The following CDK7 variants were observed in gnomAD, a reference collection of about 807,000 sequenced individuals.
CDK7 encodes cyclin dependent kinase 7.
A neutral mutation model predicts 49.1 loss-of-function variants in CDK7; 25 were observed. The ratio of observed to expected loss-of-function variants is 0.51; its 90% CI spans 0.37 to 0.71. The LOEUF is 0.71. Ranked by LOEUF, CDK7 falls within the 30% of genes least tolerant of loss-of-function variation. CDK7 has a pLI of 0.00. For synonymous variants in CDK7, 107 were observed against 140.0 expected, an observed-to-expected ratio of 0.76 and a Z score of 1.67; for missense variants, 316 against 411.7, an observed-to-expected ratio of 0.77 and a Z score of 2.01.
At chr5:69,252,494 CTTTTTTTTTTTT>C (rs138764556) in intron 3 of CDK7, 43 bp downstream of exon 3, 56 of 364,300 alleles carry the variant, frequency 1.5e-4, no homozygotes, top group Admixed American at 6.1e-4. Context: ...AAGTTTTCTC[CTTTTTTTTTTTT>C]TTTTTTTTTT....
At chr5:69,277,051 G>T (rs1752225716) in intron 11 of CDK7, 56 bp from the exon 12 acceptor site, 1 of 1,461,298 alleles carries the variant, frequency 6.8e-7, no homozygotes, top group Non-Finnish European at 9.4e-7. Context: ...CTATGAGAAT[G>T]TGAACTTTGT....
Position 69,248,939 on chromosome 5 carries a change from G to A in CDK7, c.127-3479G>A, listed in dbSNP as rs193257142. Among the ~76,000 whole-genome samples the A allele has an allele frequency of 1.3e-3, 196 of 151,340 alleles. 1 individual carries two copies. Among genetic ancestry groups the A allele is most frequent in the Admixed American group, 7.1e-3 (108 of 15,186 alleles). ...CTGCCTTAGCCTCCTGAGTAGCTGG[G>A]ATTACCAGCGTGAGCCACCGTCCCC... On this transcript the variant is annotated intron_variant, in intron 2 of 11. Coordinates refer to ENST00000256443, the MANE Select transcript of CDK7 (RefSeq NM_001799.4).
chr5:69,269,035 C>A (rs1042050764), intron 8 of CDK7, among the ~76,000 whole-genome samples, 172 bp from the exon 9 acceptor site: 2 of 151,726 alleles, frequency 1.3e-5, no homozygotes, highest in Non-Finnish European at 2.9e-5. Flanking sequence ...CCCAGCTACT[C>A]GGGAGGCTGA....
chr5:69,252,037 C>T (rs1200217753), intron 2 of CDK7, among the ~76,000 whole-genome samples: 1 of 141,206 alleles, frequency 7.1e-6, no homozygotes, highest in Non-Finnish European at 1.6e-5. Context: ...TTATTACCAA[C>T]TCTACAGCAT....
intron 2 of CDK7, among the ~76,000 whole-genome samples, chr5:69,238,938 A>G (rs1749190015): frequency 6.6e-6 from 1 of 152,180 alleles, no homozygotes; most frequent in Non-Finnish European, 1.5e-5. Flanking sequence ...CAGTTGATTC[A>G]TGCTCGTTGA....
At chr5:69,263,387 A>T (rs1750956925) in intron 8 of CDK7, among the ~76,000 whole-genome samples, 1 of 152,204 alleles carries the variant, frequency 6.6e-6, no homozygotes, top group Non-Finnish European at 1.5e-5. Context: ...CACCAAAGAG[A>T]AAAACACTAA....
chr5:69,277,211 A>G lies in CDK7; in HGVS notation c.*76A>G. 9.5e-7 allele frequency: 1 copy of G among 1,057,742 alleles called. No individual in the cohort carries two copies. The highest frequency in any genetic ancestry group is 2.5e-5 in the East Asian group (1 of 40,442). The allele number at this position is 1,057,742 out of a possible 1,614,324, so 65.5% of individuals were successfully genotyped here. On this transcript the variant is annotated 3_prime_UTR_variant, in exon 12 of 12. Coordinates refer to ENST00000256443, the MANE Select transcript of CDK7 (RefSeq NM_001799.4). ...AATAATGGAAAAATAGTAAACATTA[A>G]GTAAATGCTGTAGAAGTGAGTTTGT...
intron 8 of CDK7, among the ~76,000 whole-genome samples, chr5:69,268,714 G>T (rs545291473): frequency 1.3e-5 from 2 of 151,376 alleles, no homozygotes; most frequent in African/African-American, 4.9e-5. Flanking sequence ...TTAGCCAGGC[G>T]TGGTGGCGGG....
intron 2 of CDK7, among the ~76,000 whole-genome samples, chr5:69,247,881 T>G (rs1265597158): frequency 2.0e-5 from 3 of 152,206 alleles, no homozygotes; most frequent in Admixed American, 2.0e-4. Flanking sequence ...GCGTTTTAAC[T>G]TTGTCTCCCC....
intron 10 of CDK7, among the ~76,000 whole-genome samples, chr5:69,273,600 G>C (rs969754786): frequency 6.6e-6 from 1 of 152,096 alleles, no homozygotes; most frequent in African/African-American, 2.4e-5. Flanking sequence ...ACTAACTGCT[G>C]TTTAAAGGAA....
chr5:69,239,214 G>A (rs1024420431), intron 2 of CDK7, among the ~76,000 whole-genome samples: 1 of 152,034 alleles, frequency 6.6e-6, no homozygotes, highest in Non-Finnish European at 1.5e-5. Context: ...CCAGTTTACT[G>A]TCCCACCACA....
At chr5:69,261,273 C>T (rs1750791611) in intron 7 of CDK7, among the ~76,000 whole-genome samples, 1 of 152,158 alleles carries the variant, frequency 6.6e-6, no homozygotes, top group African/African-American at 2.4e-5. Flanking sequence ...CTCATAGAAA[C>T]AGGGACCTGT....
intron 7 of CDK7, 23 bp from the exon 8 acceptor site, chr5:69,262,182 T>C (rs1750868750): frequency 1.2e-6 from 2 of 1,612,662 alleles, no homozygotes; most frequent in African/African-American, 1.3e-5. Context: ...GCTAAAATGA[T>C]ACTAATTCTT....
chr5:69,273,580 A>G (rs1351344115), intron 10 of CDK7, among the ~76,000 whole-genome samples: 1 of 152,194 alleles, frequency 6.6e-6, no homozygotes, highest in East Asian at 1.9e-4. Context: ...GAAATAAAAC[A>G]AAAACTGAAA....
intron 8 of CDK7, among the ~76,000 whole-genome samples, chr5:69,268,240 G>A (rs879796025): frequency 7.2e-5 from 11 of 152,128 alleles, no homozygotes; most frequent in East Asian, 3.8e-4. Flanking sequence ...CTAGGATCTC[G>A]TACTTACTCA....
At chr5:69,263,231 A>G (rs903874538) in intron 8 of CDK7, among the ~76,000 whole-genome samples, 3 of 151,206 alleles carry the variant, frequency 2.0e-5, no homozygotes, top group African/African-American at 4.9e-5. Context: ...GTAAAGGGAT[A>G]CAGGGGAATC....
chr5:69,242,552 T>C (rs1749463691), intron 2 of CDK7, among the ~76,000 whole-genome samples: 1 of 152,202 alleles, frequency 6.6e-6, no homozygotes, highest in Admixed American at 6.5e-5. Context: ...TTCTTGTTAC[T>C]TTTGGCTACA....
In CDK7 at chr5:69,262,537, C is replaced by T. The variant is rs564643497; in HGVS notation, c.627+233C>T. ...TAGAAAAATTAGCTGGGCATGGTGGCGGGTGCCTGTAGTCCCAGCTACTCG... is the reference window on the plus strand; with the variant it reads ...TAGAAAAATTAGCTGGGCATGGTGGTGGGTGCCTGTAGTCCCAGCTACTCG... On this transcript the variant is annotated intron_variant, in intron 8 of 11. Transcript: ENST00000256443. 1.5e-4 allele frequency among the ~76,000 whole-genome samples: 23 copies of T among 151,732 alleles called. No homozygotes were observed. The highest frequency in any genetic ancestry group is 3.9e-4 in the East Asian group (2 of 5,160).
intron 2 of CDK7, among the ~76,000 whole-genome samples, chr5:69,244,867 GT>G (rs1239446931): frequency 1.3e-5 from 2 of 151,950 alleles, no homozygotes; most frequent in Non-Finnish European, 2.9e-5. Flanking sequence ...TCTATACCCA[GT>G]TTTTTAAGAG....
Sources: allele counts gnomAD v4.1 joint callset (sites outside exome capture counted in the v4.1 genomes callset), GRCh38; gene constraint gnomAD v4.1.1; transcripts MANE v1.5; gene names NCBI Gene and HGNC (gene_info 2026-07-23, HGNC 2026-07-21).